Variants in ELP2 observed in about 807,000 individuals in gnomAD.
The protein encoded by ELP2 is elongator acetyltransferase complex subunit 2.
In ELP2, 90 loss-of-function variants were observed where a neutral mutation model predicts 119.2. The ratio of observed to expected loss-of-function variants is 0.75; its 90% CI spans 0.64 to 0.90. The LOEUF (loss-of-function observed/expected upper bound fraction) is 0.90, where lower values mean the gene tolerates loss of function less well. ELP2 is among the 40% of genes least tolerant of loss of function. The pLI, the probability that ELP2 is intolerant of heterozygous loss-of-function variation, is 0.00. For synonymous variants in ELP2, 339 were observed against 331.0 expected, an observed-to-expected ratio of 1.02 and a Z score of -0.26; for missense variants, 921 against 967.8, an observed-to-expected ratio of 0.95 and a Z score of 0.64.
chr18:36,157,149 GT>G (rs1458782876), intron 13 of ELP2, among the ~76,000 whole-genome samples: 1 of 152,160 alleles, frequency 6.6e-6, no homozygotes, highest in African/African-American at 2.4e-5. Flanking sequence ...CTTGATTTGG[GT>G]TTTGTAAGGG....
chr18:36,169,908 C>T (rs607962), intron 19 of ELP2, 155 bp from the exon 20 acceptor site: 949,536 of 954,402 alleles, frequency 0.99, 472,506 homozygotes, highest in East Asian at 1. Context: ...GCTTGAAATG[C>T]TCTCAAGTCC....
chr18:36,142,155 G>C (rs1598753194), intron 6 of ELP2, 126 bp from the exon 7 acceptor site: 1 of 790,952 alleles, frequency 1.3e-6, no homozygotes, highest in South Asian at 1.4e-5. Context: ...GCTTTTTCTT[G>C]TCTAATCAAA....
intron 14 of ELP2, 149 bp from the exon 15 acceptor site, chr18:36,159,586 A>G: frequency 4.4e-6 from 3 of 689,536 alleles, no homozygotes; most frequent in Admixed American, 2.1e-5. Context: ...AGTAATGGAA[A>G]TACTCTTGCC....
chr18:36,168,986 G>A (rs373949977), intron 19 of ELP2, among the ~76,000 whole-genome samples: 4 of 123,772 alleles, frequency 3.2e-5, no homozygotes, highest in South Asian at 2.6e-4. Flanking sequence ...GTGCAGTGGC[G>A]TGATCTTGGC....
intron 1 of ELP2, among the ~76,000 whole-genome samples, chr18:36,132,266 C>G (rs1789527): frequency 0.31 from 47,171 of 152,030 alleles, 7,800 homozygotes; most frequent in Middle Eastern, 0.42. Context: ...GCTCATTCAG[C>G]AAATCTTCGA....
intron 21 of ELP2, 110 bp downstream of exon 21, chr18:36,171,270 C>G (rs566685353): frequency 1.3e-6 from 1 of 748,612 alleles, no homozygotes; most frequent in African/African-American, 1.7e-5. Flanking sequence ...CTGTATTCGT[C>G]GTGTCTACCA....
chr18:36,130,205 C>T (rs2089551972), intron 1 of ELP2, 134 bp downstream of exon 1: 2 of 1,186,670 alleles, frequency 1.7e-6, no homozygotes, highest in Non-Finnish European at 1.2e-6. Flanking sequence ...GGGGTTTGGG[C>T]TCGGAGTCTC....
At chr18:36,138,546 T>G (rs1272354776) in intron 4 of ELP2, 120 bp downstream of exon 4, 14 of 1,178,176 alleles carry the variant, frequency 1.2e-5, no homozygotes, top group Non-Finnish European at 1.7e-5. Flanking sequence ...ATACTATAAT[T>G]CTAATCTAAA....
At chr18:36,174,127 G>A (rs576305234) in intron 21 of ELP2, among the ~76,000 whole-genome samples, 10 of 152,160 alleles carry the variant, frequency 6.6e-5, no homozygotes, top group Admixed American at 6.5e-4. Context: ...TATAAATTTA[G>A]TAATGTTATC....
At chr18:36,130,094 C>A in intron 1 of ELP2, 23 bp downstream of exon 1, 1 of 1,613,864 alleles carries the variant, frequency 6.2e-7, no homozygotes, top group Non-Finnish European at 8.5e-7. Context: ...GCTGGACGGC[C>A]GACCCTTGTG....
At chr18:36,162,464 A>G (rs2090769953) in intron 17 of ELP2, among the ~76,000 whole-genome samples, 1 of 152,038 alleles carries the variant, frequency 6.6e-6, no homozygotes, top group African/African-American at 2.4e-5. Flanking sequence ...TGATCCATTC[A>G]CTTATTAATG....
Position 36,178,089 on chromosome 18 carries a change from T to C in ELP2, c.*3448T>C, listed in dbSNP as rs924964835. The C allele has an allele frequency of 6.6e-6, 1 of 152,228 alleles. No homozygotes were observed. 9.4% of individuals were successfully genotyped at this position (152,228 alleles called of 1,614,324 possible). On this transcript the variant is annotated 3_prime_UTR_variant, in exon 22 of 22. Coordinates refer to ENST00000358232, the MANE Select transcript of ELP2 (RefSeq NM_018255.4). ...AGTGGGAACAGCCCTGATGTCCATGTAACAAGCTGCCCTCCCCAACTCCCT... is the reference window on the plus strand; with the variant it reads ...AGTGGGAACAGCCCTGATGTCCATGCAACAAGCTGCCCTCCCCAACTCCCT...
intron 21 of ELP2, among the ~76,000 whole-genome samples, chr18:36,172,844 A>C (rs2091122470): frequency 6.6e-6 from 1 of 152,216 alleles, no homozygotes; most frequent in South Asian, 2.1e-4. Context: ...TTCTTTGGTC[A>C]TTATGGTGAC....
chr18:36,144,187 A>G (rs752096417), intron 8 of ELP2, among the ~76,000 whole-genome samples: 1 of 152,100 alleles, frequency 6.6e-6, no homozygotes, highest in African/African-American at 2.4e-5. Flanking sequence ...AAATGATATA[A>G]CCAGCATATT....
At chr18:36,159,176 G>A (rs1225035883) in intron 14 of ELP2, among the ~76,000 whole-genome samples, 4 of 149,980 alleles carry the variant, frequency 2.7e-5, no homozygotes, top group Admixed American at 6.7e-5. Flanking sequence ...GCAGTGGCGC[G>A]ATCTCAGCTC....
intron 11 of ELP2, among the ~76,000 whole-genome samples, chr18:36,153,361 C>G (rs766185622): frequency 6.6e-6 from 1 of 152,134 alleles, no homozygotes; most frequent in Non-Finnish European, 1.5e-5. Flanking sequence ...TTTTTCTTCC[C>G]AAACCACACG....
chr18:36,136,368 G>A lies in ELP2; in HGVS notation c.279G>A (p.Glu93=), dbSNP rs748627981. The change falls in exon 3 of 22, where the codon GAG becomes GAA. Residue 93 remains glutamate (E), a synonymous_variant. Coordinates refer to ENST00000358232, the MANE Select transcript of ELP2 (RefSeq NM_018255.4). ...SDNQVIHWEI[E]DNQLLKAVHL... ...ATCAAGTGATTCACTGGGAAATAGA[G>A]GATAATCAGGTGAGTGGACATGTTT... 19 of 1,609,388 alleles carry A rather than the reference G, an allele frequency of 1.2e-5. No homozygotes were observed. The highest frequency in any genetic ancestry group is 1.5e-5 in the Non-Finnish European group (18 of 1,175,708).
At chr18:36,166,333 T>G (rs1048116127) in intron 18 of ELP2, among the ~76,000 whole-genome samples, 1 of 122,456 alleles carries the variant, frequency 8.2e-6, no homozygotes, top group African/African-American at 3.2e-5. Context: ...TTTTTTTTTT[T>G]TTTTTTTTTT....
At chr18:36,168,217 A>C (rs1200816561) in intron 19 of ELP2, among the ~76,000 whole-genome samples, 9 of 152,164 alleles carry the variant, frequency 5.9e-5, no homozygotes, top group African/African-American at 2.2e-4. Flanking sequence ...AAACACTTAC[A>C]TGTCAACCTC....
Sources: gnomAD v4.1 joint callset for allele counts (sites outside exome capture counted in the v4.1 genomes callset) on GRCh38, gnomAD v4.1.1 for gene constraint, MANE v1.5 for transcripts, NCBI Gene and HGNC (gene_info 2026-07-23, HGNC 2026-07-21) for gene names.